Variants in RALYL observed in about 807,000 individuals in gnomAD.
The protein encoded by RALYL is RALY RNA binding protein like.
In RALYL, 29 loss-of-function variants were observed where a neutral mutation model predicts 35.1. That is an observed-to-expected ratio of 0.83 (90% CI 0.61 to 1.13). The LOEUF (loss-of-function observed/expected upper bound fraction) is 1.13, where lower values mean the gene tolerates loss of function less well. Ranked by LOEUF, RALYL falls within the 50% of genes most tolerant of loss-of-function variation. The pLI, the probability that RALYL is intolerant of heterozygous loss-of-function variation, is 0.00. For missense variants in RALYL, 359 were observed against 360.4 expected (o/e 1.00, Z 0.03); for synonymous variants, 120 against 127.6 (o/e 0.94, Z 0.40).
intron 2 of RALYL, among the ~76,000 whole-genome samples, chr8:84,682,547 C>T (rs887288909): frequency 2.6e-5 from 4 of 152,016 alleles, no homozygotes; most frequent in African/African-American, 9.7e-5. Flanking sequence ...AGAGATTCAA[C>T]TTCTTCCTGG....
chr8:84,443,437 G>A (rs1587316345), intron 1 of RALYL, among the ~76,000 whole-genome samples: 1 of 152,136 alleles, frequency 6.6e-6, no homozygotes, highest in African/African-American at 2.4e-5. Context: ...AGCCCAAAAT[G>A]TCCATCTAAT....
chr8:84,854,182 C>T (rs1417418858), intron 5 of RALYL, among the ~76,000 whole-genome samples: 2 of 151,902 alleles, frequency 1.3e-5, no homozygotes, highest in African/African-American at 4.8e-5. Flanking sequence ...CCCATCTCTA[C>T]TAAAAATACA....
chr8:84,391,072 C>T (rs1860573035), intron 1 of RALYL, among the ~76,000 whole-genome samples: 3 of 152,004 alleles, frequency 2.0e-5, no homozygotes. Flanking sequence ...GCTTTCTTTG[C>T]CTTGCAAAAT....
intron 2 of RALYL, among the ~76,000 whole-genome samples, chr8:84,599,783 C>G (rs1485897330): frequency 9.9e-5 from 15 of 152,028 alleles, no homozygotes; most frequent in Non-Finnish European, 2.9e-5. Flanking sequence ...GTTTCTTAAA[C>G]AAAGGAAATT....
At chr8:84,694,670 C>T (rs1186918169) in intron 2 of RALYL, among the ~76,000 whole-genome samples, 1 of 151,766 alleles carries the variant, frequency 6.6e-6, no homozygotes, top group African/African-American at 2.4e-5. Flanking sequence ...AAAAAGAACA[C>T]AGCTGGAAGC....
chr8:84,372,088 A>C (rs1855842704), intron 1 of RALYL, among the ~76,000 whole-genome samples: 1 of 152,152 alleles, frequency 6.6e-6, no homozygotes, highest in African/African-American at 2.4e-5. Flanking sequence ...TCATTCATAT[A>C]AAAACCATAC....
At chr8:84,223,209 CTCCCT>C (rs57387257) in intron 1 of RALYL, among the ~76,000 whole-genome samples, 127 of 88,896 alleles carry the variant, frequency 1.4e-3, no homozygotes, top group East Asian at 4.6e-3. Context: ...CCTTCCATTC[CTCCCT>C]TCCCTTCCCT....
chr8:84,434,406 A>T (rs1238970839), intron 1 of RALYL, among the ~76,000 whole-genome samples: 1 of 152,142 alleles, frequency 6.6e-6, no homozygotes, highest in Non-Finnish European at 1.5e-5. Context: ...ACAGATTCTT[A>T]GCTAAGGAAC....
At chr8:84,417,368 G>A (rs2044835155) in intron 1 of RALYL, among the ~76,000 whole-genome samples, 3 of 152,100 alleles carry the variant, frequency 2.0e-5, no homozygotes, top group Admixed American at 2.0e-4. Context: ...TAGAAAGTCT[G>A]AATCAGAATC....
intron 8 of RALYL, among the ~76,000 whole-genome samples, chr8:84,915,809 A>G (rs1848375697): frequency 6.6e-6 from 1 of 152,076 alleles, no homozygotes; most frequent in Non-Finnish European, 1.5e-5. Context: ...ATTCCTGTAG[A>G]ATCCAAAATA....
At chr8:84,211,192 T>C (rs1186369800) in intron 1 of RALYL, among the ~76,000 whole-genome samples, 1 of 152,110 alleles carries the variant, frequency 6.6e-6, no homozygotes, top group Non-Finnish European at 1.5e-5. Context: ...TTTGAAAATA[T>C]ATATCTCTGA....
chr8:84,708,806 A>C (rs1841656659), intron 2 of RALYL, among the ~76,000 whole-genome samples: 1 of 152,318 alleles, frequency 6.6e-6, no homozygotes, highest in African/African-American at 2.4e-5. Context: ...GTTTTATAAA[A>C]GACACATGAA....
At chr8:84,425,378 A>G (rs1032914842) in intron 1 of RALYL, among the ~76,000 whole-genome samples, 1 of 152,144 alleles carries the variant, frequency 6.6e-6, no homozygotes, top group Non-Finnish European at 1.5e-5. Flanking sequence ...TGCGCTTCCC[A>G]GGTGAGGCAA....
intron 2 of RALYL, among the ~76,000 whole-genome samples, chr8:84,583,699 C>T (rs990345656): frequency 6.6e-6 from 1 of 152,020 alleles, no homozygotes; most frequent in Non-Finnish European, 1.5e-5. Flanking sequence ...AGGAGACATC[C>T]CTGCACAATT....
intron 1 of RALYL, among the ~76,000 whole-genome samples, chr8:84,414,402 G>T (rs1451096129): frequency 6.6e-6 from 1 of 152,094 alleles, no homozygotes; most frequent in Admixed American, 6.5e-5. Flanking sequence ...AAGTTTACTT[G>T]CATCTGTGCT....
chr8:84,848,437 G>GCATA (rs1554620896), intron 4 of RALYL, among the ~76,000 whole-genome samples: 2 of 148,438 alleles, frequency 1.3e-5, no homozygotes, highest in Admixed American at 6.8e-5. Flanking sequence ...GTGTGTGTGT[G>GCATA]TATATATATA....
chr8:84,502,800 T>A (rs2056816510), intron 1 of RALYL, among the ~76,000 whole-genome samples: 1 of 151,966 alleles, frequency 6.6e-6, no homozygotes, highest in Non-Finnish European at 1.5e-5. Context: ...ATTGTAAAAT[T>A]ACCTAAATAA....
intron 2 of RALYL, among the ~76,000 whole-genome samples, chr8:84,769,967 C>T (rs1025852260): frequency 6.6e-6 from 1 of 152,094 alleles, no homozygotes; most frequent in East Asian, 1.9e-4. Context: ...TTCTGGGTGT[C>T]GTTTCCAAGT....
intron 2 of RALYL, among the ~76,000 whole-genome samples, chr8:84,669,337 A>G (rs1832726936): frequency 6.6e-6 from 1 of 152,074 alleles, no homozygotes; most frequent in Non-Finnish European, 1.5e-5. Context: ...TGGAACACCC[A>G]TGTGCTTCTG....
Sources: gnomAD v4.1 joint callset for allele counts (sites outside exome capture counted in the v4.1 genomes callset) on GRCh38, gnomAD v4.1.1 for gene constraint, MANE v1.5 for transcripts, NCBI Gene and HGNC (gene_info 2026-07-23, HGNC 2026-07-21) for gene names.